Variants in E2F2 observed in about 807,000 individuals in gnomAD.
E2F2 encodes the protein E2F transcription factor 2.
E2F2 carries 22 observed loss-of-function variants against 42.2 expected under a neutral mutation model. The observed-to-expected ratio is 0.52, with a 90% CI of 0.37 to 0.74. The LOEUF is 0.74. Among genes scored for constraint, E2F2 ranks in the 30% least tolerant of loss-of-function variants. E2F2 has a pLI of 0.00. For synonymous variants in E2F2, 248 were observed against 251.6 expected (o/e 0.99, Z 0.13); for missense variants, 481 against 557.8 (o/e 0.86, Z 1.39).
chr1:23,524,898 C>G (rs577427911), intron 1 of E2F2, among the ~76,000 whole-genome samples: 27 of 152,300 alleles, frequency 1.8e-4, no homozygotes, highest in Non-Finnish European at 3.2e-4. Context: ...AAGGGCCCCC[C>G]TACAGAAGCA....
intron 6 of E2F2, among the ~76,000 whole-genome samples, chr1:23,515,972 G>A (rs2148694610): frequency 6.6e-6 from 1 of 152,344 alleles, no homozygotes; most frequent in South Asian, 2.1e-4. Context: ...AAACTGCTGG[G>A]ATTATAGGCG....
chr1:23,516,332 T>C lies in E2F2; in HGVS notation c.1045+3A>G, dbSNP rs1006205634. ...CTCCTGTCCCTCTGGACAAGGGACC[T>C]ACCTGAGGATGCTGTGGGCTCCATG... On this transcript the variant is annotated splice_donor_region_variant and intron_variant, in intron 6 of 6. Coordinates refer to ENST00000361729, the MANE Select transcript of E2F2 (RefSeq NM_004091.4). 2.9e-5 allele frequency: 44 copies of C among 1,527,880 alleles called. No homozygotes were observed. The highest frequency in any genetic ancestry group is 3.9e-5 in the Non-Finnish European group (44 of 1,142,112). The allele number at this position is 1,527,880 out of a possible 1,614,324, so 94.6% of individuals were successfully genotyped here.
rs1320072066 is a variant in E2F2 at position 23,524,089 on chromosome 1, C to CAAAAAAAAAAA, written c.358+293_358+294insTTTTTTTTTTT. Among the ~76,000 whole-genome samples, 8 of 58,568 alleles carry CAAAAAAAAAAA rather than the reference C, an allele frequency of 1.4e-4. 1 individual carries two copies. Among genetic ancestry groups the CAAAAAAAAAAA allele is most frequent in the Non-Finnish European group, 2.1e-4 (5 of 24,240 alleles). The allele number at this position is 58,568 out of a possible 152,430, so 38.4% of individuals were successfully genotyped here. ...ACCTGTCTCACAACAACAACAACAA[C>CAAAAAAAAAAA]AACAACAACAACAACAAAAAAAAAC... On this transcript the variant is annotated intron_variant, in intron 2 of 6. Coordinates refer to ENST00000361729, the MANE Select transcript of E2F2 (RefSeq NM_004091.4).
chr1:23,530,156 T>C lies in E2F2; in HGVS notation c.252+386A>G, dbSNP rs1643314297. ...AAAGTCCCACAGTGTCCCCAGGCCA[T>C]ACTCTTTGCCTGGACAATAGCAGGC... On this transcript the variant is annotated intron_variant, in intron 1 of 6. Transcript: ENST00000361729. This position sits in a 1 kb window ranked among gnomAD's most constrained non-coding sequence, Gnocchi z 4.4. Among the ~76,000 whole-genome samples, 1 of 152,188 alleles carries C rather than the reference T, an allele frequency of 6.6e-6. No individual in the cohort carries two copies.
chr1:23,505,959 C>T (rs1406662879), downstream of E2F2, among the ~76,000 whole-genome samples: 1 of 152,166 alleles, frequency 6.6e-6, no homozygotes, highest in Non-Finnish European at 1.5e-5. Context: ...CCAAGCCCGG[C>T]TAATTTTTTT....
At chr1:23,505,517 C>T (rs2148680413), downstream of E2F2, among the ~76,000 whole-genome samples, 1 of 149,956 alleles carries the variant, frequency 6.7e-6, no homozygotes, top group Middle Eastern at 3.4e-3. Context: ...GAGGCAAGGT[C>T]TCTTTTTTTT....
intron 4 of E2F2, 173 bp from the exon 5 acceptor site, chr1:23,519,303 T>A: frequency 4.5e-6 from 2 of 443,850 alleles, no homozygotes; most frequent in Non-Finnish European, 4.1e-6. Context: ...CTACCTTAGA[T>A]CCCTTTGGAA....
chr1:23,522,679 C>G (rs77142730), intron 2 of E2F2, among the ~76,000 whole-genome samples: 8 of 152,308 alleles, frequency 5.3e-5, no homozygotes, highest in Non-Finnish European at 1.2e-4. Flanking sequence ...CCATGTGAAT[C>G]ACAATGATTA....
rs1642871317 is a variant in E2F2, at chr1:23,509,795, A to G, written c.*85T>C. 20 of 1,460,648 alleles carry G rather than the reference A, an allele frequency of 1.4e-5. No homozygotes were observed. The highest frequency in any genetic ancestry group is 1.6e-5 in the Non-Finnish European group (18 of 1,104,168). 90.5% of individuals were successfully genotyped at this position (1,460,648 alleles called of 1,614,324 possible). On this transcript the variant is annotated 3_prime_UTR_variant, in exon 7 of 7. Coordinates refer to ENST00000361729, the MANE Select transcript of E2F2 (RefSeq NM_004091.4). The stretch of plus-strand genomic sequence containing the variant: ...CCCTGAGGGCAGCACCTAGTGTCCA[A>G]TGTCCCTGTGCAGGCAGAGGGGCTG...
At chr1:23,524,094 AC>A (rs370793250) in intron 2 of E2F2, among the ~76,000 whole-genome samples, 7,801 of 137,654 alleles carry the variant, frequency 0.057, 849 homozygotes, top group African/African-American at 0.18. Context: ...AACAACAACA[AC>A]AACAACAACA....
chr1:23,510,046 TGCAGGAGTGGGTGCG>T lies in E2F2; in HGVS notation c.1133_1147del (p.Pro378_Leu382del). ...GGACAGGAACTGGTCCTCAGTCTGC[TGCAGGAGTGGGTGCG>T]GCAGCTCCAGCAGGCTGTCAGTAGC... On this transcript the variant is annotated inframe_deletion, in exon 7 of 7. Transcript: ENST00000361729. The T allele has an allele frequency of 1.2e-6, 2 of 1,612,884 alleles. No individual in the cohort carries two copies. The highest frequency in any genetic ancestry group is 1.7e-6 in the Non-Finnish European group (2 of 1,179,708).
At chr1:23,525,279 CA>C (rs1167485021) in intron 1 of E2F2, among the ~76,000 whole-genome samples, 1 of 152,146 alleles carries the variant, frequency 6.6e-6, no homozygotes, top group Non-Finnish European at 1.5e-5. Flanking sequence ...TGCTCCTCTC[CA>C]CCCTGTTGCC....
intron 6 of E2F2, among the ~76,000 whole-genome samples, chr1:23,512,064 G>A (rs547357438): frequency 6.6e-6 from 1 of 152,276 alleles, no homozygotes; most frequent in East Asian, 1.9e-4. Context: ...TGGGTATGGT[G>A]GCAGGCATCT....
At chr1:23,505,674 G>A (rs916121537), downstream of E2F2, among the ~76,000 whole-genome samples, 1 of 152,174 alleles carries the variant, frequency 6.6e-6, no homozygotes, top group Admixed American at 6.5e-5. Flanking sequence ...AACCATGCCC[G>A]CTAATTTATT....
Position 23,530,416 on chromosome 1 carries a change from T to C in E2F2, c.252+126A>G. On this transcript the variant is annotated intron_variant, in intron 1 of 6. Transcript: ENST00000361729. This position sits in a 1 kb window ranked among gnomAD's most constrained non-coding sequence, Gnocchi z 4.4. Reference sequence around the variant, plus strand: ...ATTGGGGGCACTGGGTCCTGGAAACTGAAAGCTCATCTTCCCTCTTCCCAA... The same window carrying C: ...ATTGGGGGCACTGGGTCCTGGAAACCGAAAGCTCATCTTCCCTCTTCCCAA... 7.4e-7 allele frequency: 1 copy of C among 1,344,320 alleles called. No homozygotes were observed. Among genetic ancestry groups the C allele is most frequent in the Non-Finnish European group, 9.9e-7 (1 of 1,007,308 alleles). The allele number at this position is 1,344,320 out of a possible 1,614,324, so 83.3% of individuals were successfully genotyped here. A position where few individuals can be genotyped will look rare whatever the true frequency, so the allele number is the denominator to read the frequency against.
At chr1:23,512,225 AC>A (rs1642923166) in intron 6 of E2F2, among the ~76,000 whole-genome samples, 3 of 152,012 alleles carry the variant, frequency 2.0e-5, no homozygotes, top group African/African-American at 7.2e-5. Context: ...AAATAAACAA[AC>A]AAATAAATAA....
At chr1:23,517,340 C>T (rs918183407) in intron 5 of E2F2, among the ~76,000 whole-genome samples, 7 of 152,306 alleles carry the variant, frequency 4.6e-5, no homozygotes, top group Non-Finnish European at 1.0e-4. Context: ...GTCTCCATGC[C>T]TGTACTCACA....
intron 6 of E2F2, among the ~76,000 whole-genome samples, chr1:23,515,156 A>C (rs1263220033): frequency 6.6e-6 from 1 of 152,252 alleles, no homozygotes; most frequent in Non-Finnish European, 1.5e-5. Flanking sequence ...GAAGACAAAA[A>C]GTGGAACACT....
rs556225548 is a variant in E2F2 at position 23,509,686 on chromosome 1, C to T, written c.*194G>A. 1.8e-6 allele frequency: 2 copies of T among 1,095,256 alleles called. No individual in the cohort carries two copies. The highest frequency in any genetic ancestry group is 2.4e-6 in the Non-Finnish European group (2 of 840,152). The allele number at this position is 1,095,256 out of a possible 1,614,324, so 67.8% of individuals were successfully genotyped here. A position where few individuals can be genotyped will look rare whatever the true frequency, so the allele number is the denominator to read the frequency against. On this transcript the variant is annotated 3_prime_UTR_variant, in exon 7 of 7. Transcript: ENST00000361729. ...TTCCATTAGGAAGGTGAGGACCACCCCTTATCCACTCCTCACCCGTACCAT... is the reference window on the plus strand; with the variant it reads ...TTCCATTAGGAAGGTGAGGACCACCTCTTATCCACTCCTCACCCGTACCAT...
Sources: gnomAD v4.1 joint callset for allele counts (sites outside exome capture counted in the v4.1 genomes callset) on GRCh38, gnomAD v4.1.1 for gene constraint, Gnocchi (gnomAD v3.1) non-coding constraint, MANE v1.5 for transcripts, NCBI Gene and HGNC (gene_info 2026-07-23, HGNC 2026-07-21) for gene names.